CRACD: variants seen among roughly 807,000 people sequenced by gnomAD.
CRACD encodes capping protein-inhibiting regulator of actin dynamics.
CRACD carries 56 observed loss-of-function variants against 106.8 expected under a neutral mutation model. The observed-to-expected ratio is 0.52, with a 90% confidence interval of 0.42 to 0.66. The LOEUF (loss-of-function observed/expected upper bound fraction) is 0.66, where lower values mean the gene tolerates loss of function less well. Ranked by LOEUF, CRACD falls within the 30% of genes least tolerant of loss-of-function variation. The pLI, the probability that CRACD is intolerant of heterozygous loss-of-function variation, is 0.00. For synonymous variants in CRACD, 754 were observed against 670.8 expected, an observed-to-expected ratio of 1.12 and a Z score of -1.92; for missense variants, 1,730 against 1,623.2, an observed-to-expected ratio of 1.07 and a Z score of -1.13.
At chr4:56,121,596 A>G (rs1215995691) in intron 1 of CRACD, among the ~76,000 whole-genome samples, 1 of 152,132 alleles carries the variant, frequency 6.6e-6, no homozygotes, top group African/African-American at 2.4e-5. Flanking sequence ...GTGAGCCACT[A>G]CTGCACCACT....
chr4:56,200,349 G>C (rs1434662473), intron 2 of CRACD, among the ~76,000 whole-genome samples: 1 of 152,132 alleles, frequency 6.6e-6, no homozygotes, highest in African/African-American at 2.4e-5. Flanking sequence ...ACCTGAGTCA[G>C]ATTAGAAAGA....
chr4:56,109,318 C>G (rs1157445796), intron 1 of CRACD, among the ~76,000 whole-genome samples: 1 of 151,958 alleles, frequency 6.6e-6, no homozygotes, highest in Non-Finnish European at 1.5e-5. Context: ...ATCTCTATAT[C>G]TAATTTGTAT....
chr4:56,168,394 C>G (rs1292689730), intron 1 of CRACD, among the ~76,000 whole-genome samples: 1 of 152,014 alleles, frequency 6.6e-6, no homozygotes, highest in African/African-American at 2.4e-5. Context: ...ATAAGCATCA[C>G]TTGGACATAA....
chr4:56,161,079 TC>T lies in CRACD; in HGVS notation c.-335-18204del, dbSNP rs533202655. Among the ~76,000 whole-genome samples, 304 of 152,340 alleles carry T rather than the reference TC, an allele frequency of 2.0e-3. 1 individual carries two copies. The highest frequency in any genetic ancestry group is 6.6e-3 in the African/African-American group (275 of 41,572). On this transcript the variant is annotated intron_variant, in intron 1 of 10. Coordinates refer to ENST00000682029, the MANE Select transcript of CRACD (RefSeq NM_001393381.1). ...GTAGTTTTAAAAAAACTCATTAATG[TC>T]TTTAAAGAAAGTAATTAACTGAAAA... is the stretch of plus-strand genomic sequence containing the variant.
At chr4:56,174,719 T>C (rs1736514517) in intron 1 of CRACD, among the ~76,000 whole-genome samples, 1 of 152,212 alleles carries the variant, frequency 6.6e-6, no homozygotes, top group South Asian at 2.1e-4. Context: ...ATCTTGGCTA[T>C]TGTGTGAATA....
rs556310760 is a variant in CRACD, at chr4:56,093,383, C to T, written c.-336+44084C>T. 7.9e-5 allele frequency among the ~76,000 whole-genome samples: 12 copies of T among 152,216 alleles called. No individual in the cohort carries two copies. In the South Asian group the frequency reaches 1.2e-3, roughly 16 times the overall value. The stretch of plus-strand genomic sequence containing the variant: ...GAAATCATTGTGCAGGTTCATGACG[C>T]GTATTCATTTGCATTTTTGCTTCTT... On this transcript the variant is annotated intron_variant, in intron 1 of 10. Coordinates refer to ENST00000682029, the MANE Select transcript of CRACD (RefSeq NM_001393381.1).
At chr4:56,124,308 T>C (rs1030555801) in intron 1 of CRACD, among the ~76,000 whole-genome samples, 2 of 152,202 alleles carry the variant, frequency 1.3e-5, no homozygotes, top group African/African-American at 4.8e-5. Flanking sequence ...AATAAACCCT[T>C]GTGAATCCAT....
chr4:56,136,467 A>G (rs1735003928), intron 1 of CRACD, among the ~76,000 whole-genome samples: 1 of 152,140 alleles, frequency 6.6e-6, no homozygotes, highest in African/African-American at 2.4e-5. Context: ...TGGGTGTGTC[A>G]TGGTATCTTT....
At chr4:56,207,802 A>ATTTAT (rs548538609) in intron 2 of CRACD, among the ~76,000 whole-genome samples, 20 of 100,374 alleles carry the variant, frequency 2.0e-4, no homozygotes, top group African/African-American at 4.7e-4. Flanking sequence ...TTATTTTTTC[A>ATTTAT]TTTATTTTAT....
chr4:56,202,382 G>T (rs1409067561), intron 2 of CRACD, among the ~76,000 whole-genome samples: 1 of 152,150 alleles, frequency 6.6e-6, no homozygotes, highest in Admixed American at 6.5e-5. Context: ...AGGTAGCTGG[G>T]ACTACAGGAG....
chr4:56,051,273 C>T (rs999333605), intron 1 of CRACD, among the ~76,000 whole-genome samples: 1 of 152,132 alleles, frequency 6.6e-6, no homozygotes, highest in African/African-American at 2.4e-5. Flanking sequence ...TTTTATTCAA[C>T]GAACATTTAC....
At chr4:56,104,408 C>G (rs1036784695) in intron 1 of CRACD, among the ~76,000 whole-genome samples, 1 of 134,686 alleles carries the variant, frequency 7.4e-6, no homozygotes, top group Non-Finnish European at 1.7e-5. Context: ...AAAACAAACA[C>G]AAAAAAACAA....
intron 1 of CRACD, among the ~76,000 whole-genome samples, chr4:56,063,104 AGAAGTTCT>A (rs1340720667): frequency 6.6e-6 from 1 of 152,232 alleles, no homozygotes; most frequent in Admixed American, 6.5e-5. Context: ...AAAGAAGAAA[AGAAGTTCT>A]GTTTGGATAC....
intron 2 of CRACD, among the ~76,000 whole-genome samples, chr4:56,216,837 G>A (rs532309665): frequency 6.8e-4 from 103 of 150,796 alleles, no homozygotes; most frequent in Middle Eastern, 3.4e-3. Context: ...AAAATTAGCC[G>A]GGCGCGGTGG....
In CRACD at chr4:56,314,067, G is replaced by C; in HGVS notation, c.565G>C (p.Glu189Gln). Residue 189 changes from glutamate (E) to glutamine (Q), a missense_variant, in exon 8 of 11, where the codon GAG becomes CAG. By Grantham distance (29) the Glu-to-Gln change is conservative. Coordinates refer to ENST00000682029, the MANE Select transcript of CRACD (RefSeq NM_001393381.1). The surrounding 1 kb of genome is among the most constrained non-coding windows in gnomAD (Gnocchi z 4.4). Reference sequence around the variant, plus strand: ...TCCACAACATGAGCAAGGCGGCCTTGAGAGTCGGCCCTGCCTGGACCAGAA... The same window carrying C: ...TCCACAACATGAGCAAGGCGGCCTTCAGAGTCGGCCCTGCCTGGACCAGAA... ...QDPQHEQGGLESRPCLDQNGH... is the reference protein window; with the variant it reads ...QDPQHEQGGLQSRPCLDQNGH... The C allele has an allele frequency of 6.2e-7, 1 of 1,614,020 alleles. No individual in the cohort carries two copies. Among genetic ancestry groups the C allele is most frequent in the South Asian group, 1.1e-5 (1 of 91,080 alleles).
rs559522459 is a variant in CRACD at position 56,325,198 on chromosome 4, G to GGT, written c.3541+934_3541+935dup. Among the ~76,000 whole-genome samples the GGT allele has an allele frequency of 1.4e-4, 22 of 152,200 alleles. No individual in the cohort carries two copies. In the East Asian group the frequency reaches 3.9e-3, roughly 27 times the overall value. ...AAAAATACAAAAATTAGCCAGGTGT[G>GGT]GTGGTGCATGCCTGTAGTCCCACCT... is the stretch of plus-strand genomic sequence containing the variant. On this transcript the variant is annotated intron_variant, in intron 10 of 10. Transcript: ENST00000682029.
chr4:56,100,013 C>T (rs111464750), intron 1 of CRACD, among the ~76,000 whole-genome samples: 4 of 152,192 alleles, frequency 2.6e-5, no homozygotes, highest in African/African-American at 4.8e-5. Flanking sequence ...GAGGCCGAGA[C>T]GGGCGGATCA....
intron 2 of CRACD, among the ~76,000 whole-genome samples, chr4:56,189,952 A>G (rs1287219284): frequency 7.2e-6 from 1 of 138,038 alleles, no homozygotes; most frequent in African/African-American, 2.7e-5. Context: ...TATATCTCCC[A>G]ATGCTAACCC....
intron 4 of CRACD, among the ~76,000 whole-genome samples, chr4:56,303,388 A>AT (rs1163368346): frequency 2.0e-5 from 3 of 151,148 alleles, no homozygotes; most frequent in African/African-American, 7.3e-5. Context: ...AGGGATATAT[A>AT]TTTTTTTTAA....
Sources: gnomAD v4.1 joint callset for allele counts (sites outside exome capture counted in the v4.1 genomes callset) on GRCh38, gnomAD v4.1.1 for gene constraint, Gnocchi (gnomAD v3.1) non-coding constraint, MANE v1.5 for transcripts, NCBI Gene and HGNC (gene_info 2026-07-23, HGNC 2026-07-21) for gene names.